The following LRRTM4 variants were observed in gnomAD, a reference collection of about 807,000 sequenced individuals.
LRRTM4 encodes the protein leucine rich repeat transmembrane neuronal 4.
A neutral mutation model predicts 47.6 loss-of-function variants in LRRTM4; 25 were observed. The ratio of observed to expected loss-of-function variants is 0.53; its 90% confidence interval spans 0.38 to 0.73. The LOEUF is 0.73. LRRTM4 is among the 30% of genes least tolerant of loss of function. The probability of loss-of-function intolerance (pLI) is 0.00; values close to 1 mark genes in which losing one functional copy is unlikely to be tolerated. For missense variants in LRRTM4, 638 were observed against 713.4 expected (o/e 0.89, Z 1.20); for synonymous variants, 311 against 269.5 (o/e 1.15, Z -1.51).
intron 3 of LRRTM4, among the ~76,000 whole-genome samples, chr2:77,101,255 GGTA>G (rs1457243398): frequency 1.3e-5 from 2 of 151,988 alleles, no homozygotes; most frequent in African/African-American, 4.8e-5. Flanking sequence ...TTATAGGGTT[GGTA>G]AATAAAGCAT....
chr2:76,788,292 G>A (rs180817534), intron 3 of LRRTM4, among the ~76,000 whole-genome samples: 1 of 152,180 alleles, frequency 6.6e-6, no homozygotes, highest in Admixed American at 6.5e-5. Flanking sequence ...CTGAGAGTTA[G>A]ACAAGAAAAG....
At chr2:77,509,906 G>T (rs1452312019) in intron 3 of LRRTM4, among the ~76,000 whole-genome samples, 1 of 152,094 alleles carries the variant, frequency 6.6e-6, no homozygotes, top group African/African-American at 2.4e-5. Flanking sequence ...ACTGGACCAA[G>T]GCAGTATTTG....
chr2:76,801,528 G>T (rs1322526956), intron 3 of LRRTM4, among the ~76,000 whole-genome samples: 1 of 151,998 alleles, frequency 6.6e-6, no homozygotes, highest in Non-Finnish European at 1.5e-5. Flanking sequence ...GTGGGGGGAG[G>T]GGGAAGGGAT....
intron 3 of LRRTM4, among the ~76,000 whole-genome samples, chr2:77,285,831 C>T (rs1408730824): frequency 6.6e-6 from 1 of 151,970 alleles, no homozygotes; most frequent in African/African-American, 2.4e-5. Flanking sequence ...CCAAATTTTA[C>T]CATTATGATA....
chr2:76,780,610 C>G (rs145898669), intron 3 of LRRTM4, among the ~76,000 whole-genome samples: 10,839 of 152,190 alleles, frequency 0.071, 1,253 homozygotes, highest in African/African-American at 0.24. Flanking sequence ...TCAGCTCCAT[C>G]ACCTCCTTTA....
At chr2:77,077,942 A>G (rs1680391474) in intron 3 of LRRTM4, among the ~76,000 whole-genome samples, 1 of 152,182 alleles carries the variant, frequency 6.6e-6, no homozygotes, top group African/African-American at 2.4e-5. Flanking sequence ...TTTTAAGTGA[A>G]GAAAGAGAGA....
intron 3 of LRRTM4, among the ~76,000 whole-genome samples, chr2:76,883,156 A>G (rs910042062): frequency 1.3e-5 from 2 of 152,202 alleles, no homozygotes; most frequent in African/African-American, 4.8e-5. Context: ...CATCTTCAAT[A>G]AGAACACTGC....
At chr2:77,355,408 C>A (rs1671931214) in intron 3 of LRRTM4, among the ~76,000 whole-genome samples, 1 of 152,116 alleles carries the variant, frequency 6.6e-6, no homozygotes, top group Non-Finnish European at 1.5e-5. Flanking sequence ...GGACTTCTTA[C>A]CACTCAGAGT....
chr2:77,095,232 G>A (rs1319849478), intron 3 of LRRTM4, among the ~76,000 whole-genome samples: 2 of 152,148 alleles, frequency 1.3e-5, no homozygotes, highest in Admixed American at 6.5e-5. Flanking sequence ...AAGTTAGAAT[G>A]TCTACTATCA....
At chr2:77,048,125 G>C (rs567711841) in intron 3 of LRRTM4, among the ~76,000 whole-genome samples, 1 of 151,992 alleles carries the variant, frequency 6.6e-6, no homozygotes, top group South Asian at 2.1e-4. Context: ...GCAGACAATG[G>C]AAGATATTAT....
At chr2:77,206,386 C>G (rs1251066035) in intron 3 of LRRTM4, among the ~76,000 whole-genome samples, 1 of 151,728 alleles carries the variant, frequency 6.6e-6, no homozygotes, top group African/African-American at 2.4e-5. Context: ...ACCATGTTGG[C>G]GAGGCTGAGG....
chr2:76,797,706 G>A (rs552128668), intron 3 of LRRTM4, among the ~76,000 whole-genome samples: 14 of 151,364 alleles, frequency 9.2e-5, no homozygotes, highest in African/African-American at 3.4e-4. Context: ...TCAGTGTGCT[G>A]TATTCAGGAA....
At chr2:76,898,553 C>CAAAAAAAA (rs56345618) in intron 3 of LRRTM4, among the ~76,000 whole-genome samples, 2 of 63,558 alleles carry the variant, frequency 3.1e-5, no homozygotes, top group African/African-American at 6.0e-5. Context: ...AGCTCCGTCT[C>CAAAAAAAA]AAAAAAAAAA....
At chr2:77,372,128 G>A (rs941672062) in intron 3 of LRRTM4, among the ~76,000 whole-genome samples, 3 of 151,740 alleles carry the variant, frequency 2.0e-5, no homozygotes, top group African/African-American at 7.2e-5. Context: ...TAGGCTGCTG[G>A]CAAACTTGTC....
chr2:76,848,264 T>A (rs534282168), intron 3 of LRRTM4, among the ~76,000 whole-genome samples: 1 of 152,168 alleles, frequency 6.6e-6, no homozygotes, highest in African/African-American at 2.4e-5. Flanking sequence ...ACACTGTAAT[T>A]CATTCTAATA....
chr2:76,833,057 C>T (rs530916829), intron 3 of LRRTM4, among the ~76,000 whole-genome samples: 5 of 152,128 alleles, frequency 3.3e-5, no homozygotes, highest in Admixed American at 2.0e-4. Flanking sequence ...TTGTTTAAAG[C>T]TTGCAATGAC....
At position 77,023,314 on chromosome 2, in the gene LRRTM4, G is replaced by A. The variant is rs118077779; in HGVS notation, c.1552-274398C>T. On this transcript the variant is annotated intron_variant, in intron 3 of 3. Coordinates refer to ENST00000409884, the MANE Select transcript of LRRTM4 (RefSeq NM_001134745.3). ...AGATCTCTGGGTCTGTGATGGGAGA[G>A]GCTGCCGCAAAGGTCTCTTGATACC... Among the ~76,000 whole-genome samples the A allele has an allele frequency of 3.6e-3, 543 of 152,126 alleles. 23 individuals are homozygous for A. The South Asian group carries it at 0.067, about 19-fold the overall frequency.
intron 3 of LRRTM4, among the ~76,000 whole-genome samples, chr2:77,105,996 C>T (rs1671083706): frequency 6.6e-6 from 1 of 152,158 alleles, no homozygotes; most frequent in African/African-American, 2.4e-5. Context: ...ACTACACTCA[C>T]CTTCTTCCTA....
At chr2:77,257,399 A>G (rs1675800465) in intron 3 of LRRTM4, among the ~76,000 whole-genome samples, 2 of 152,124 alleles carry the variant, frequency 1.3e-5, no homozygotes, top group African/African-American at 2.4e-5. Flanking sequence ...TTAATATGCT[A>G]TCAATAAATA....
Sources: allele counts gnomAD v4.1 joint callset (sites outside exome capture counted in the v4.1 genomes callset), GRCh38; gene constraint gnomAD v4.1.1; transcripts MANE v1.5; gene names NCBI Gene and HGNC (gene_info 2026-07-23, HGNC 2026-07-21).